KDM4C: variants seen among roughly 807,000 people sequenced by gnomAD.
KDM4C encodes lysine-specific demethylase 4C.
In KDM4C, 81 loss-of-function variants were observed where a neutral mutation model predicts 129.3. That is an observed-to-expected ratio of 0.63 (90% CI 0.52 to 0.75). The LOEUF is 0.75. Ranked by LOEUF, KDM4C falls within the 30% of genes least tolerant of loss-of-function variation. KDM4C has a pLI of 0.00. For missense variants in KDM4C, 1,457 were observed against 1,304.0 expected (o/e 1.12, Z -1.81); for synonymous variants, 573 against 456.1 (o/e 1.26, Z -3.26).
chr9:7,118,316 G>C (rs78652298), intron 18 of KDM4C, among the ~76,000 whole-genome samples: 1 of 152,152 alleles, frequency 6.6e-6, no homozygotes, highest in African/African-American at 2.4e-5. Flanking sequence ...TACTTGTGAC[G>C]TTTTGATGAG....
At chr9:7,172,903 C>T (rs1420274365) in intron 21 of KDM4C, among the ~76,000 whole-genome samples, 1 of 152,248 alleles carries the variant, frequency 6.6e-6, no homozygotes, top group Non-Finnish European at 1.5e-5. Context: ...TCAGTGAAAA[C>T]AGCTGCCAGT....
chr9:7,040,315 G>A (rs1828341850), intron 15 of KDM4C, among the ~76,000 whole-genome samples: 1 of 139,404 alleles, frequency 7.2e-6, no homozygotes, highest in Admixed American at 7.2e-5. Flanking sequence ...CCCTCCCTCT[G>A]TCTCTCTTTC....
chr9:6,790,633 T>C (rs557879201), intron 1 of KDM4C, among the ~76,000 whole-genome samples: 2 of 128,940 alleles, frequency 1.6e-5, no homozygotes, highest in Non-Finnish European at 3.1e-5. Flanking sequence ...CTAATTTTTC[T>C]GTCAGGCAGA....
chr9:7,161,127 C>G (rs1198172145), intron 19 of KDM4C, among the ~76,000 whole-genome samples: 4 of 152,066 alleles, frequency 2.6e-5, no homozygotes, highest in Non-Finnish European at 5.9e-5. Context: ...GGCCACGGGA[C>G]CCACCGAGCC....
At chr9:6,890,707 C>T (rs547065076) in intron 7 of KDM4C, among the ~76,000 whole-genome samples, 2 of 151,878 alleles carry the variant, frequency 1.3e-5, no homozygotes, top group African/African-American at 4.8e-5. Context: ...TTCCATGGAG[C>T]GGGAAAAGTA....
intron 5 of KDM4C, among the ~76,000 whole-genome samples, chr9:6,875,952 G>A (rs936662032): frequency 7.2e-5 from 11 of 152,202 alleles, no homozygotes; most frequent in African/African-American, 2.4e-4. Flanking sequence ...ACCACCTGGT[G>A]ATTTGAGTAT....
intron 1 of KDM4C, among the ~76,000 whole-genome samples, chr9:6,745,839 C>T (rs937115117): frequency 7.3e-5 from 11 of 150,062 alleles, no homozygotes; most frequent in Admixed American, 1.3e-4. Context: ...GGTGGAGTTT[C>T]GCTATTGTTG....
chr9:6,963,771 T>C (rs1830423691), intron 8 of KDM4C, among the ~76,000 whole-genome samples: 2 of 152,222 alleles, frequency 1.3e-5, no homozygotes, highest in Admixed American at 1.3e-4. Context: ...TCAGTCTTCT[T>C]AGACTACCTC....
intron 17 of KDM4C, among the ~76,000 whole-genome samples, chr9:7,050,943 C>T (rs981104933): frequency 6.6e-6 from 1 of 152,170 alleles, no homozygotes; most frequent in African/African-American, 2.4e-5. Flanking sequence ...CTTGATAGTG[C>T]ATATCACATT....
chr9:7,008,612 C>G (rs1306531147), intron 12 of KDM4C, among the ~76,000 whole-genome samples: 1 of 152,188 alleles, frequency 6.6e-6, no homozygotes. Flanking sequence ...GACCAAACAT[C>G]CAGGAACATC....
chr9:6,790,095 C>T (rs557464364), intron 1 of KDM4C, among the ~76,000 whole-genome samples: 30 of 148,484 alleles, frequency 2.0e-4, no homozygotes, highest in African/African-American at 5.9e-4. Flanking sequence ...GCCAACATGG[C>T]GAAACCCATC....
chr9:7,099,856 C>T (rs1171940671), intron 17 of KDM4C, among the ~76,000 whole-genome samples: 1 of 152,090 alleles, frequency 6.6e-6, no homozygotes. Context: ...TCATTCCCCT[C>T]CCTGCAGAAC....
intron 19 of KDM4C, among the ~76,000 whole-genome samples, chr9:7,153,148 G>A (rs549895750): frequency 6.6e-6 from 1 of 152,216 alleles, no homozygotes; most frequent in Non-Finnish European, 1.5e-5. Flanking sequence ...ATGTTGCCCA[G>A]GCTGGTCTTG....
chr9:7,101,377 G>T (rs1014207965), intron 17 of KDM4C, among the ~76,000 whole-genome samples: 3 of 152,124 alleles, frequency 2.0e-5, no homozygotes, highest in African/African-American at 2.4e-5. Flanking sequence ...ATGAAAATGG[G>T]GGTCTGAAAT....
intron 1 of KDM4C, among the ~76,000 whole-genome samples, chr9:6,782,626 A>G (rs898991596): frequency 5.9e-5 from 9 of 152,168 alleles, no homozygotes; most frequent in Non-Finnish European, 1.3e-4. Context: ...CTTTGGGAAC[A>G]TCGAGTGGTT....
intron 3 of KDM4C, among the ~76,000 whole-genome samples, chr9:6,810,937 A>G (rs1054319229): frequency 6.6e-6 from 1 of 152,182 alleles, no homozygotes; most frequent in African/African-American, 2.4e-5. Flanking sequence ...TTTCATTATA[A>G]TTGTTGTAAT....
intron 4 of KDM4C, among the ~76,000 whole-genome samples, chr9:6,844,690 A>G (rs1837544326): frequency 6.6e-6 from 1 of 151,978 alleles, no homozygotes; most frequent in South Asian, 2.1e-4. Context: ...GATAGGACTG[A>G]TATTTCTTTT....
chr9:6,939,458 A>C (rs1030958175), intron 8 of KDM4C, among the ~76,000 whole-genome samples: 1 of 152,176 alleles, frequency 6.6e-6, no homozygotes, highest in Non-Finnish European at 1.5e-5. Context: ...TAATAATAGA[A>C]ATAAAGTCCA....
intron 7 of KDM4C, among the ~76,000 whole-genome samples, chr9:6,888,435 C>T (rs1845610936): frequency 6.6e-6 from 1 of 152,144 alleles, no homozygotes; most frequent in African/African-American, 2.4e-5. Flanking sequence ...TGCTTAGAAT[C>T]AATGATTATG....
Sources: gnomAD v4.1 joint callset for allele counts (sites outside exome capture counted in the v4.1 genomes callset) on GRCh38, gnomAD v4.1.1 for gene constraint, MANE v1.5 for transcripts, NCBI Gene and HGNC (gene_info 2026-07-23, HGNC 2026-07-21) for gene names.